PLD1: variants seen among roughly 807,000 people sequenced by gnomAD.
PLD1 encodes the protein choline phosphatase 1.
A neutral mutation model predicts 137.1 loss-of-function variants in PLD1; 112 were observed. That is an observed-to-expected ratio of 0.82 (90% CI 0.70 to 0.96). The LOEUF is 0.96. Ranked by LOEUF, PLD1 falls within the 40% of genes least tolerant of loss-of-function variation. PLD1 has a pLI of 0.00. For synonymous variants in PLD1, 431 were observed against 454.7 expected, an observed-to-expected ratio of 0.95 and a Z score of 0.66; for missense variants, 1,321 against 1,342.0, an observed-to-expected ratio of 0.98 and a Z score of 0.24.
intron 16 of PLD1, among the ~76,000 whole-genome samples, chr3:171,680,242 CTTTTTTTTTTTT>C (rs571538714): frequency 2.9e-5 from 3 of 102,928 alleles, no homozygotes; most frequent in South Asian, 3.4e-4. Flanking sequence ...TTTTCTTCCT[CTTTTTTTTTTTT>C]TTTTTTTTTT....
At chr3:171,610,983 C>T (rs570564150) in intron 25 of PLD1, among the ~76,000 whole-genome samples, 4 of 152,160 alleles carry the variant, frequency 2.6e-5, no homozygotes, top group Admixed American at 6.5e-5. Context: ...TAGGAATGAG[C>T]GAAGTGGCCT....
intron 1 of PLD1, among the ~76,000 whole-genome samples, chr3:171,780,880 G>A (rs1320197333): frequency 1.3e-5 from 2 of 152,138 alleles, no homozygotes; most frequent in African/African-American, 4.8e-5. Context: ...TAAATTTTCT[G>A]TTCTCCACAA....
intron 6 of PLD1, among the ~76,000 whole-genome samples, chr3:171,732,574 T>C (rs757451288): frequency 1.3e-5 from 2 of 152,186 alleles, no homozygotes; most frequent in African/African-American, 2.4e-5. Context: ...TACACTAAAG[T>C]CTTTACTGTT....
chr3:171,672,776 C>T (rs972449991), intron 19 of PLD1, among the ~76,000 whole-genome samples: 1 of 152,204 alleles, frequency 6.6e-6, no homozygotes, highest in Non-Finnish European at 1.5e-5. Context: ...TGAGCCACCA[C>T]ACCCACTCTA....
At chr3:171,710,206 AC>A (rs1424914597) in intron 9 of PLD1, among the ~76,000 whole-genome samples, 1 of 151,892 alleles carries the variant, frequency 6.6e-6, no homozygotes, top group African/African-American at 2.4e-5. Context: ...GACTACAGGC[AC>A]CCGCCACCAC....
chr3:171,629,883 A>C (rs1353564547), intron 23 of PLD1, among the ~76,000 whole-genome samples: 1 of 151,980 alleles, frequency 6.6e-6, no homozygotes, highest in Non-Finnish European at 1.5e-5. Context: ...TAAAGACTTA[A>C]ACGTTAGACC....
Position 171,687,499 on chromosome 3 carries a change from T to A in PLD1, c.1625A>T (p.Asp542Val), listed in dbSNP as rs1432103956. 2 of 1,614,020 alleles carry A rather than the reference T, an allele frequency of 1.2e-6. No individual in the cohort carries two copies. Among genetic ancestry groups the A allele is most frequent in the African/African-American group, 2.7e-5 (2 of 75,038 alleles). Residue 542 changes from aspartate (D) to valine (V), a missense_variant, in exon 15 of 27, where the codon GAT becomes GTT. Coordinates refer to ENST00000351298, the MANE Select transcript of PLD1 (RefSeq NM_002662.5). ...TCCTTTCAGTTTTGAATCCACATCA[T>A]CAATACTCTTCTGGATGGGTAGGTT... ...VQNLPIQKSI[D>V]DVDSKLKGIG...
intron 1 of PLD1, among the ~76,000 whole-genome samples, chr3:171,759,927 G>T (rs530090581): frequency 1.3e-3 from 194 of 152,186 alleles, no homozygotes; most frequent in African/African-American, 4.4e-3. Flanking sequence ...CATTTCTCTT[G>T]CTTCCCCAAG....
chr3:171,635,965 C>CTTCTTTTTTTTTTTTTTT (rs1735078326), intron 23 of PLD1, among the ~76,000 whole-genome samples: 1 of 49,252 alleles, frequency 2.0e-5, no homozygotes, highest in African/African-American at 5.7e-5. Flanking sequence ...GGTTCAACTT[C>CTTCTTTTTTTTTTTTTTT]TTTTTTTTTT....
At chr3:171,698,472 A>C (rs1257487314) in intron 12 of PLD1, among the ~76,000 whole-genome samples, 1 of 152,218 alleles carries the variant, frequency 6.6e-6, no homozygotes, top group African/African-American at 2.4e-5. Context: ...ATATTTGTGG[A>C]TATCCCCAGA....
intron 9 of PLD1, among the ~76,000 whole-genome samples, chr3:171,710,633 C>T (rs1054885612): frequency 9.9e-5 from 15 of 152,272 alleles, no homozygotes; most frequent in Admixed American, 3.3e-4. Flanking sequence ...GAACAGGACA[C>T]GGACTGGTAC....
intron 12 of PLD1, among the ~76,000 whole-genome samples, chr3:171,698,102 G>C (rs1229285589): frequency 6.6e-6 from 1 of 152,194 alleles, no homozygotes; most frequent in Non-Finnish European, 1.5e-5. Flanking sequence ...TTCATTGAGA[G>C]AAACATAGAG....
chr3:171,678,687 T>G (rs1713640224), intron 16 of PLD1, among the ~76,000 whole-genome samples: 2 of 152,224 alleles, frequency 1.3e-5, no homozygotes, highest in Admixed American at 1.3e-4. Context: ...CTTTGTAAAA[T>G]GCACTCTTTG....
rs1209077404 is a variant in PLD1 at position 171,737,959 on chromosome 3, C to T, written c.93G>A (p.Arg31=). The change falls in exon 2 of 27, where the codon CGG becomes CGA. Residue 31 remains arginine (R), a synonymous_variant. Transcript: ENST00000351298. ...MSNIIENLDT[R]ELHFEGEEVD... is the part of the protein sequence containing the mutation. ...CCTCCTCTCCCTCAAAGTGGAGTTCCCGCGTGTCCAGATTTTCTATGATAT... is the reference window on the plus strand; with the variant it reads ...CCTCCTCTCCCTCAAAGTGGAGTTCTCGCGTGTCCAGATTTTCTATGATAT... 6 of 1,613,810 alleles carry T rather than the reference C, an allele frequency of 3.7e-6. No homozygotes were observed. Among genetic ancestry groups the T allele is most frequent in the Non-Finnish European group, 5.1e-6 (6 of 1,179,906 alleles).
chr3:171,669,133 T>A (rs1712469142), intron 19 of PLD1, among the ~76,000 whole-genome samples: 1 of 152,210 alleles, frequency 6.6e-6, no homozygotes, highest in Non-Finnish European at 1.5e-5. Context: ...CAGGCATCCA[T>A]ACTGCCTGCC....
intron 16 of PLD1, among the ~76,000 whole-genome samples, chr3:171,682,170 G>A (rs565999561): frequency 2.1e-4 from 20 of 95,660 alleles, no homozygotes; most frequent in South Asian, 9.5e-4. Context: ...GAAAGAAAAA[G>A]AAAGAAAGAA....
At chr3:171,710,427 C>T (rs1717091300) in intron 9 of PLD1, among the ~76,000 whole-genome samples, 1 of 152,080 alleles carries the variant, frequency 6.6e-6, no homozygotes, top group Admixed American at 6.6e-5. Context: ...GAGATGAAAC[C>T]GTTCCACCTC....
Position 171,764,888 on chromosome 3 carries a change from AAAGAAAGGAAGGAAGGAAGG to A in PLD1, c.-31-26826_-31-26807del, listed in dbSNP as rs1560288626. 1.4e-3 allele frequency among the ~76,000 whole-genome samples: 29 copies of A among 21,216 alleles called. 3 individuals carry two copies. Among genetic ancestry groups the A allele is most frequent in the Non-Finnish European group, 2.0e-3 (20 of 9,920 alleles). 13.9% of individuals were successfully genotyped at this position (21,216 alleles called of 152,430 possible). A position where few individuals can be genotyped will look rare whatever the true frequency, so the allele number is the denominator to read the frequency against. ...GAAAGAAAGAAAGAAAGAAAGAAAG[AAAGAAAGGAAGGAAGGAAGG>A]AAGGAAAGAAAGAAAGGAAAGAAAG... On this transcript the variant is annotated intron_variant, in intron 1 of 26. Coordinates refer to ENST00000351298, the MANE Select transcript of PLD1 (RefSeq NM_002662.5).
intron 1 of PLD1, among the ~76,000 whole-genome samples, chr3:171,779,616 G>A: frequency 6.6e-6 from 1 of 152,158 alleles, no homozygotes; most frequent in East Asian, 1.9e-4. Flanking sequence ...TCAGTCCTGG[G>A]GTTTGGATAT....
Sources: gnomAD v4.1 joint callset for allele counts (sites outside exome capture counted in the v4.1 genomes callset) on GRCh38, gnomAD v4.1.1 for gene constraint, MANE v1.5 for transcripts, NCBI Gene and HGNC (gene_info 2026-07-23, HGNC 2026-07-21) for gene names.